PTPRG: variants seen among roughly 807,000 people sequenced by gnomAD.
PTPRG encodes protein tyrosine phosphatase receptor type G.
A neutral mutation model predicts 165.3 loss-of-function variants in PTPRG; 102 were observed. The ratio of observed to expected loss-of-function variants is 0.62; its 90% CI spans 0.53 to 0.73. The LOEUF (loss-of-function observed/expected upper bound fraction) is 0.73. Ranked by LOEUF, PTPRG falls within the 30% of genes least tolerant of loss-of-function variation. The probability of loss-of-function intolerance (pLI) is 0.00; values close to 1 mark genes in which losing one functional copy is unlikely to be tolerated. For missense variants in PTPRG, 1,866 were observed against 1,861.4 expected, an observed-to-expected ratio of 1.00 and a Z score of -0.05; for synonymous variants, 675 against 669.5, an observed-to-expected ratio of 1.01 and a Z score of -0.13.
chr3:62,088,764 T>G (rs180867754), intron 5 of PTPRG, among the ~76,000 whole-genome samples: 141 of 152,358 alleles, frequency 9.3e-4, no homozygotes, highest in African/African-American at 3.3e-3. Context: ...TCAATGAAAC[T>G]CCCTTGCAGA....
chr3:61,579,519 C>G (rs1419627228), intron 1 of PTPRG, among the ~76,000 whole-genome samples: 1 of 152,208 alleles, frequency 6.6e-6, no homozygotes, highest in African/African-American at 2.4e-5. Context: ...CACACTTTAT[C>G]TGTAATTCAT....
At chr3:61,875,194 T>A (rs887951949) in intron 2 of PTPRG, among the ~76,000 whole-genome samples, 7 of 152,188 alleles carry the variant, frequency 4.6e-5, no homozygotes, top group African/African-American at 1.4e-4. Context: ...AGCACAGACC[T>A]GTTTAGAATA....
At chr3:61,584,254 A>C (rs1344537355) in intron 1 of PTPRG, among the ~76,000 whole-genome samples, 2 of 152,198 alleles carry the variant, frequency 1.3e-5, no homozygotes, top group Non-Finnish European at 2.9e-5. Flanking sequence ...AATTAAAAAT[A>C]ATAATAAAAA....
chr3:61,815,400 C>G (rs1419659029), intron 2 of PTPRG, among the ~76,000 whole-genome samples: 1 of 151,958 alleles, frequency 6.6e-6, no homozygotes, highest in Non-Finnish European at 1.5e-5. Flanking sequence ...GAGACCGTCT[C>G]AAAAATTAAA....
chr3:62,043,739 T>C (rs1224984475), intron 4 of PTPRG, among the ~76,000 whole-genome samples: 1 of 152,216 alleles, frequency 6.6e-6, no homozygotes, highest in East Asian at 1.9e-4. Flanking sequence ...AGGTTTATGA[T>C]TGTTAAAGGA....
intron 6 of PTPRG, among the ~76,000 whole-genome samples, chr3:62,145,058 C>G (rs1305007089): frequency 6.6e-6 from 1 of 152,068 alleles, no homozygotes; most frequent in African/African-American, 2.4e-5. Context: ...AAAGTGCCTG[C>G]TAAAGTGCTT....
intron 24 of PTPRG, among the ~76,000 whole-genome samples, 174 bp downstream of exon 24, chr3:62,276,140 T>TAC (rs1305548631): frequency 1.3e-5 from 2 of 152,138 alleles, no homozygotes; most frequent in East Asian, 3.9e-4. Context: ...TATGACTTTA[T>TAC]ACCAGCCTCT....
In PTPRG at chr3:61,831,484, G is replaced by GT. The variant is rs1326102000; in HGVS notation, c.190+82510dup. ...CACCTGTTTTTTTGTTTTTGTTTTT[G>GT]TTTTTTTTAACCTCATGTTACTTCT... On this transcript the variant is annotated intron_variant, in intron 2 of 29. Transcript: ENST00000474889. 1.2e-4 allele frequency among the ~76,000 whole-genome samples: 18 copies of GT among 151,816 alleles called. 1 individual carries two copies. Among genetic ancestry groups the GT allele is most frequent in the Admixed American group, 5.9e-4 (9 of 15,250 alleles).
chr3:61,731,241 A>G (rs1575615956), intron 1 of PTPRG, among the ~76,000 whole-genome samples: 1 of 152,158 alleles, frequency 6.6e-6, no homozygotes, highest in East Asian at 1.9e-4. Flanking sequence ...GGGATGGGAT[A>G]GGTAGAGAAT....
chr3:61,564,351 T>C (rs1257391442), intron 1 of PTPRG, among the ~76,000 whole-genome samples: 1 of 152,146 alleles, frequency 6.6e-6, no homozygotes, highest in African/African-American at 2.4e-5. Context: ...TCTGTCCTTC[T>C]TGCGCTCGGG....
chr3:61,916,413 A>T lies in PTPRG; in HGVS notation c.191-73212A>T, dbSNP rs559171347. Reference sequence around the variant, plus strand: ...TTTCGTGTTAGATGGCACCAAAGAGACTATTTTAACCTCCTACTCCCCACC... The same window carrying T: ...TTTCGTGTTAGATGGCACCAAAGAGTCTATTTTAACCTCCTACTCCCCACC... On this transcript the variant is annotated intron_variant, in intron 2 of 29. Coordinates refer to ENST00000474889, the MANE Select transcript of PTPRG (RefSeq NM_002841.4). Among the ~76,000 whole-genome samples the T allele has an allele frequency of 3.9e-4, 59 of 152,286 alleles. 1 individual carries two copies. The South Asian group carries it at 0.011, about 29-fold the overall frequency.
chr3:61,943,389 G>A (rs2039681222), intron 2 of PTPRG, among the ~76,000 whole-genome samples: 1 of 152,170 alleles, frequency 6.6e-6, no homozygotes, highest in Non-Finnish European at 1.5e-5. Flanking sequence ...AGGGGTGTTC[G>A]AGACCAGCCT....
intron 3 of PTPRG, among the ~76,000 whole-genome samples, chr3:61,999,290 G>A (rs1446304342): frequency 6.6e-6 from 1 of 151,928 alleles, no homozygotes; most frequent in African/African-American, 2.4e-5. Flanking sequence ...CAGGTGATCC[G>A]CCCCCCTCAG....
chr3:61,825,028 A>G (rs2036065072), intron 2 of PTPRG, among the ~76,000 whole-genome samples: 1 of 152,188 alleles, frequency 6.6e-6, no homozygotes, highest in Non-Finnish European at 1.5e-5. Flanking sequence ...ATGGGAAGCA[A>G]AAGGTGACAT....
intron 14 of PTPRG, among the ~76,000 whole-genome samples, chr3:62,239,384 C>A (rs1383696767): frequency 4.1e-5 from 5 of 122,850 alleles, no homozygotes; most frequent in Non-Finnish European, 1.6e-5. Context: ...TTTTTTGAGA[C>A]CAAGTCTTGC....
intron 2 of PTPRG, among the ~76,000 whole-genome samples, chr3:61,917,408 T>C (rs2038967422): frequency 6.6e-6 from 1 of 152,206 alleles, no homozygotes; most frequent in Non-Finnish European, 1.5e-5. Context: ...GCCTGGCAGT[T>C]GCTCCATGTC....
At chr3:62,248,671 G>A (rs1268226411) in intron 15 of PTPRG, among the ~76,000 whole-genome samples, 1 of 152,064 alleles carries the variant, frequency 6.6e-6, no homozygotes, top group Non-Finnish European at 1.5e-5. Context: ...TCAGAACTTA[G>A]CTCATGAAAT....
chr3:61,886,862 G>GTA (rs1174759743), intron 2 of PTPRG, among the ~76,000 whole-genome samples: 4 of 149,562 alleles, frequency 2.7e-5, no homozygotes, highest in Non-Finnish European at 5.9e-5. Context: ...TAGACTCTCT[G>GTA]TATCCTGGAA....
chr3:61,717,046 T>C (rs1156400433), intron 1 of PTPRG, among the ~76,000 whole-genome samples: 1 of 152,204 alleles, frequency 6.6e-6, no homozygotes, highest in Non-Finnish European at 1.5e-5. Flanking sequence ...TTCTTTGTCT[T>C]AAACTCTAGT....
Sources: gnomAD v4.1 joint callset for allele counts (sites outside exome capture counted in the v4.1 genomes callset) on GRCh38, gnomAD v4.1.1 for gene constraint, MANE v1.5 for transcripts, NCBI Gene and HGNC (gene_info 2026-07-23, HGNC 2026-07-21) for gene names.